The following DHX57 variants were observed in gnomAD, a reference collection of about 807,000 sequenced individuals.
DHX57 encodes the protein DExH-box helicase 57.
DHX57 carries 105 observed loss-of-function variants against 156.2 expected under a neutral mutation model. That is an observed-to-expected ratio of 0.67 (90% CI 0.57 to 0.79). DHX57 has a LOEUF of 0.79. Ranked by LOEUF, DHX57 falls within the 30% of genes least tolerant of loss-of-function variation. The probability of loss-of-function intolerance (pLI) is 0.00; values close to 1 mark genes in which losing one functional copy is unlikely to be tolerated. For missense variants in DHX57, 1,847 were observed against 1,661.9 expected (o/e 1.11, Z -1.94); for synonymous variants, 704 against 595.6 (o/e 1.18, Z -2.65).
intron 23 of DHX57, among the ~76,000 whole-genome samples, chr2:38,801,748 C>T (rs1669694577): frequency 2.6e-5 from 4 of 152,138 alleles, no homozygotes; most frequent in Admixed American, 2.0e-4. Flanking sequence ...ACGCCCACTA[C>T]CACACCTGGT....
At position 38,798,009 on chromosome 2, in the gene DHX57, A is replaced by G; in HGVS notation, c.*290T>C. 3.5e-6 allele frequency: 1 copy of G among 289,460 alleles called. No individual in the cohort carries two copies. The highest frequency in any genetic ancestry group is 6.9e-5 in the East Asian group (1 of 14,500). 17.9% of individuals were successfully genotyped at this position (289,460 alleles called of 1,614,324 possible). A position where few individuals can be genotyped will look rare whatever the true frequency, so the allele number is the denominator to read the frequency against. On this transcript the variant is annotated 3_prime_UTR_variant, in exon 24 of 24. Coordinates refer to ENST00000457308, the MANE Select transcript of DHX57 (RefSeq NM_198963.3). ...GAATTGTATTATACATTCACTTTTG[A>G]GTTATCAGGTGAACTTAATTCACTC...
At chr2:38,863,270 T>G in intron 3 of DHX57, 91 bp downstream of exon 3, 1 of 1,345,346 alleles carries the variant, frequency 7.4e-7, no homozygotes, top group Non-Finnish European at 1.0e-6. Flanking sequence ...ATAGAATCAG[T>G]ACTGACACAG....
intron 2 of DHX57, chr2:38,867,354 CATTTA>C (rs1184796676): frequency 6.6e-6 from 1 of 152,178 alleles, no homozygotes; most frequent in Non-Finnish European, 1.5e-5. Flanking sequence ...AATAGCAAAA[CATTTA>C]CTTTTATTAA....
intron 19 of DHX57, chr2:38,816,068 T>G (rs920630415): frequency 4.3e-6 from 2 of 463,448 alleles, no homozygotes; most frequent in African/African-American, 4.1e-5. Context: ...TACTTGCATT[T>G]TTGCTCCTGT....
chr2:38,832,551 ATTTT>A (rs36089129), intron 13 of DHX57, among the ~76,000 whole-genome samples: 2 of 89,354 alleles, frequency 2.2e-5, no homozygotes, highest in African/African-American at 8.1e-5. Flanking sequence ...ATATATATAT[ATTTT>A]TTTTTTTAGA....
intron 1 of DHX57, among the ~76,000 whole-genome samples, 153 bp downstream of exon 1, chr2:38,875,634 C>T (rs1665577842): frequency 6.6e-6 from 1 of 152,204 alleles, no homozygotes; most frequent in Non-Finnish European, 1.5e-5. Context: ...ATTCACCGGC[C>T]CCAGGCAGAC....
intron 1 of DHX57, among the ~76,000 whole-genome samples, chr2:38,874,401 ATTTTTTTTTTTTTT>A (rs60727396): frequency 2.7e-5 from 2 of 75,460 alleles, no homozygotes; most frequent in African/African-American, 1.1e-4. Context: ...GAAATACTGT[ATTTTTTTTTTTTTT>A]TTTTTTTTTT....
At chr2:38,834,331 C>CAAA (rs33985881) in intron 13 of DHX57, among the ~76,000 whole-genome samples, 3 of 83,842 alleles carry the variant, frequency 3.6e-5, no homozygotes, top group African/African-American at 8.6e-5. Flanking sequence ...AACTCCATCT[C>CAAA]AAAAAAAAAA....
In DHX57 at chr2:38,856,495, T is replaced by A. The variant is rs1259113506; in HGVS notation, c.1588-34A>T. 5 of 1,556,340 alleles carry A rather than the reference T, an allele frequency of 3.2e-6. No homozygotes were observed. In the East Asian group the frequency reaches 9.0e-5, roughly 28 times the overall value. ...ATCAAAGATAAGATATCAGTTGGGT[T>A]ACTTTTTCTTTTTTTTTTTTTTTTT... On this transcript the variant is annotated intron_variant, in intron 6 of 23. Transcript: ENST00000457308.
In DHX57 at chr2:38,826,502, A is replaced by G; in HGVS notation, c.2813+14T>C. On this transcript the variant is annotated intron_variant, in intron 15 of 23. Coordinates refer to ENST00000457308, the MANE Select transcript of DHX57 (RefSeq NM_198963.3). ...TTTTTAGCCCCTCTCTTACATCACCACAAGACGGAATACCTCTTTTCTTTC... is the reference window on the plus strand; with the variant it reads ...TTTTTAGCCCCTCTCTTACATCACCGCAAGACGGAATACCTCTTTTCTTTC... 1 of 1,611,888 alleles carries G rather than the reference A, an allele frequency of 6.2e-7. No individual in the cohort carries two copies. Among genetic ancestry groups the G allele is most frequent in the Non-Finnish European group, 8.5e-7 (1 of 1,178,388 alleles).
In DHX57 at chr2:38,825,955, G is replaced by A. The variant is rs1011426036; in HGVS notation, c.2906C>T (p.Ala969Val). ...LQRKGRAGRV[A>V]SGVCFHLFTS... Reference sequence around the variant, plus strand: ...GAATAAATGGAAGCAGACCCCAGATGCAACACGGCCTGCTCGGCCTTTCCT... The same window carrying A: ...GAATAAATGGAAGCAGACCCCAGATACAACACGGCCTGCTCGGCCTTTCCT... The change falls in exon 16 of 24, where the codon GCA becomes GTA. Residue 969 changes from alanine (A) to valine (V), a missense_variant. Ala to Val is a moderately conservative substitution (Grantham distance 64). Coordinates refer to ENST00000457308, the MANE Select transcript of DHX57 (RefSeq NM_198963.3). 1.7e-5 allele frequency: 27 copies of A among 1,614,068 alleles called. No individual in the cohort carries two copies. The highest frequency in any genetic ancestry group is 2.2e-5 in the Non-Finnish European group (26 of 1,180,034).
In DHX57 at chr2:38,861,049, T is replaced by C. The variant is rs747227923; in HGVS notation, c.1361A>G (p.His454Arg). ...AGAATTATTTGGAATCACTGTTTTA[T>C]GACAGGCAGGATTATTTATTCTGGT... ...SRTRINNPAC[H>R]KTVIPNNSFV... The change falls in exon 5 of 24, where the codon CAT (histidine) becomes CGT (arginine). Residue 454 changes from histidine to arginine, a missense_variant. Physicochemically the swap from His to Arg is conservative, Grantham distance 29. Transcript: ENST00000457308. 1.2e-6 allele frequency: 2 copies of C among 1,614,118 alleles called. No homozygotes were observed. The highest frequency in any genetic ancestry group is 1.7e-6 in the Non-Finnish European group (2 of 1,180,004).
chr2:38,854,622 C>T (rs558089090), intron 8 of DHX57: 43 of 160,200 alleles, frequency 2.7e-4, no homozygotes, highest in African/African-American at 1.0e-3. Flanking sequence ...AGTGCAATGG[C>T]GCAATCTCGG....
At chr2:38,798,898 G>A (rs532227982) in intron 23 of DHX57, among the ~76,000 whole-genome samples, 169 of 152,206 alleles carry the variant, frequency 1.1e-3, no homozygotes, top group African/African-American at 3.6e-3. Flanking sequence ...AGCTGAGATC[G>A]CGCCATTGCA....
intron 6 of DHX57, 185 bp from the exon 7 acceptor site, chr2:38,856,646 G>T: frequency 1.6e-6 from 1 of 636,080 alleles, no homozygotes; most frequent in Non-Finnish European, 2.4e-6. Context: ...TGGGACTACA[G>T]GTGTGTGCCA....
chr2:38,867,155 A>T (rs1665120499), intron 2 of DHX57: 1 of 152,224 alleles, frequency 6.6e-6, no homozygotes, highest in Non-Finnish European at 1.5e-5. Context: ...AACATGCTGT[A>T]TAGATTTGTA....
At chr2:38,820,241 G>C (rs1670743415) in intron 17 of DHX57, among the ~76,000 whole-genome samples, 1 of 152,108 alleles carries the variant, frequency 6.6e-6, no homozygotes, top group Admixed American at 6.5e-5. Flanking sequence ...GCACGTGGGA[G>C]ATTAATATTA....
Position 38,815,528 on chromosome 2 carries a change from C to T in DHX57, c.3599G>A (p.Gly1200Glu), listed in dbSNP as rs1232324226. 1 of 1,614,052 alleles carries T rather than the reference C, an allele frequency of 6.2e-7. No homozygotes were observed. Among genetic ancestry groups the T allele is most frequent in the Non-Finnish European group, 8.5e-7 (1 of 1,179,966 alleles). The change falls in exon 20 of 24, where the codon GGA becomes GAA. Residue 1200 changes from glycine (G) to glutamate (E), a missense_variant. Coordinates refer to ENST00000457308, the MANE Select transcript of DHX57 (RefSeq NM_198963.3). Reference sequence around the variant, plus strand: ...CAACTCCACATTCTTTACCTCTTCTCCTGTGGCATCTAAGACACCATCTCC... The same window carrying T: ...CAACTCCACATTCTTTACCTCTTCTTCTGTGGCATCTAAGACACCATCTCC... Reference protein sequence around the residue: ...QGGDGVLDATGEEANSNAENP... With the variant: ...QGGDGVLDATEEEANSNAENP...
At chr2:38,822,924 C>A in intron 17 of DHX57, 69 bp downstream of exon 17, 1 of 1,503,816 alleles carries the variant, frequency 6.6e-7, no homozygotes, top group Non-Finnish European at 8.9e-7. Context: ...CCTTGATTTC[C>A]CCCATGGTCC....
Sources: gnomAD v4.1 joint callset for allele counts (sites outside exome capture counted in the v4.1 genomes callset) on GRCh38, gnomAD v4.1.1 for gene constraint, MANE v1.5 for transcripts, NCBI Gene and HGNC (gene_info 2026-07-23, HGNC 2026-07-21) for gene names.